ZBTB8A: variants seen among roughly 807,000 people sequenced by gnomAD.
ZBTB8A encodes zinc finger and BTB domain-containing protein 8A.
Under a neutral mutation model 37.8 loss-of-function variants are expected in ZBTB8A, and 19 were observed. The ratio of observed to expected loss-of-function variants is 0.50; its 90% CI spans 0.35 to 0.74. The LOEUF is 0.74. Among genes scored for constraint, ZBTB8A ranks in the 30% least tolerant of loss-of-function variants. The pLI, the probability that ZBTB8A is intolerant of heterozygous loss-of-function variation, is 0.01. For missense variants in ZBTB8A, 394 were observed against 537.8 expected (o/e 0.73, Z 2.65); for synonymous variants, 181 against 185.2 (o/e 0.98, Z 0.19).
At chr1:32,597,136 A>G (rs1644539556) in intron 4 of ZBTB8A, among the ~76,000 whole-genome samples, 1 of 152,052 alleles carries the variant, frequency 6.6e-6, no homozygotes, top group African/African-American at 2.4e-5. Context: ...CCTCCCGAGT[A>G]GCTGGGACTA....
At chr1:32,577,905 C>G (rs1644375174) in intron 2 of ZBTB8A, among the ~76,000 whole-genome samples, 1 of 151,466 alleles carries the variant, frequency 6.6e-6, no homozygotes, top group South Asian at 2.1e-4. Context: ...TTTTTGATTT[C>G]TATAAATTTT....
At chr1:32,597,557 C>T (rs1570374734) in intron 4 of ZBTB8A, among the ~76,000 whole-genome samples, 1 of 152,194 alleles carries the variant, frequency 6.6e-6, no homozygotes, top group South Asian at 2.1e-4. Context: ...AGCCATTTCT[C>T]AATCCATTTC....
At chr1:32,555,582 T>A (rs748868925) in intron 2 of ZBTB8A, among the ~76,000 whole-genome samples, 2 of 152,188 alleles carry the variant, frequency 1.3e-5, no homozygotes, top group Non-Finnish European at 2.9e-5. Flanking sequence ...TCTGTAACAC[T>A]GGCATCTTTT....
At chr1:32,571,136 A>T (rs943974287) in intron 2 of ZBTB8A, among the ~76,000 whole-genome samples, 9 of 152,064 alleles carry the variant, frequency 5.9e-5, no homozygotes, top group Admixed American at 3.3e-4. Context: ...CCAGCCTCCC[A>T]AAGTGCTGGG....
At chr1:32,599,975 T>C (rs1644563420) in intron 4 of ZBTB8A, 112 bp from the exon 5 acceptor site, 6 of 775,548 alleles carry the variant, frequency 7.7e-6, no homozygotes, top group Non-Finnish European at 1.2e-5. Context: ...AGATGTTAAT[T>C]TGAGTTTAAT....
intron 2 of ZBTB8A, among the ~76,000 whole-genome samples, chr1:32,568,939 A>G (rs1359259024): frequency 6.6e-6 from 1 of 152,116 alleles, no homozygotes; most frequent in Non-Finnish European, 1.5e-5. Context: ...TCTTGTATAA[A>G]TTTTTTTGTA....
intron 3 of ZBTB8A, among the ~76,000 whole-genome samples, chr1:32,594,070 T>C (rs944162873): frequency 5.3e-5 from 8 of 151,906 alleles, no homozygotes; most frequent in Admixed American, 2.6e-4. Context: ...GATGTGTGCC[T>C]GTAATCCCAG....
chr1:32,584,853 T>C (rs889160196), intron 2 of ZBTB8A, among the ~76,000 whole-genome samples: 1 of 151,674 alleles, frequency 6.6e-6, no homozygotes, highest in Admixed American at 6.6e-5. Context: ...ATTTTAGCAG[T>C]GTTTCCATTC....
intron 2 of ZBTB8A, among the ~76,000 whole-genome samples, chr1:32,565,040 T>C (rs1446112129): frequency 1.3e-5 from 2 of 152,166 alleles, no homozygotes; most frequent in African/African-American, 2.4e-5. Context: ...CAGTAAGAAA[T>C]ACATTTTGGC....
intron 2 of ZBTB8A, among the ~76,000 whole-genome samples, chr1:32,577,821 A>G (rs1014688125): frequency 6.6e-6 from 1 of 151,644 alleles, no homozygotes; most frequent in African/African-American, 2.4e-5. Context: ...GGCCTCAAGT[A>G]ATCTGCCTGT....
At chr1:32,545,739 C>T (rs1644098116) in intron 1 of ZBTB8A, among the ~76,000 whole-genome samples, 1 of 152,122 alleles carries the variant, frequency 6.6e-6, no homozygotes, top group African/African-American at 2.4e-5. Context: ...TTTTGCCTTC[C>T]CATTTGGTGC....
chr1:32,582,070 A>G (rs978976621), intron 2 of ZBTB8A, among the ~76,000 whole-genome samples: 10 of 152,286 alleles, frequency 6.6e-5, no homozygotes, highest in Middle Eastern at 3.4e-3. Flanking sequence ...GTCATGACCC[A>G]ACTACCTTGT....
intron 2 of ZBTB8A, among the ~76,000 whole-genome samples, chr1:32,572,720 A>G (rs1179454266): frequency 6.6e-5 from 10 of 152,234 alleles, no homozygotes; most frequent in Admixed American, 4.6e-4. Flanking sequence ...TTGATCACTT[A>G]TATCACTCAG....
intron 2 of ZBTB8A, among the ~76,000 whole-genome samples, chr1:32,583,556 T>G (rs995997512): frequency 2.6e-5 from 4 of 152,038 alleles, no homozygotes; most frequent in African/African-American, 9.7e-5. Flanking sequence ...TTTAATAGAT[T>G]GTTATGGGTT....
intron 1 of ZBTB8A, among the ~76,000 whole-genome samples, chr1:32,546,048 T>G (rs1644101169): frequency 6.6e-6 from 1 of 152,188 alleles, no homozygotes. Context: ...CTCTATATTC[T>G]CAGGACCAGG....
chr1:32,559,690 C>T (rs779965399), intron 2 of ZBTB8A, among the ~76,000 whole-genome samples: 5 of 152,054 alleles, frequency 3.3e-5, no homozygotes, highest in Non-Finnish European at 5.9e-5. Flanking sequence ...GTCTCCAACT[C>T]CAGGGCTCAA....
At chr1:32,559,874 A>G (rs998231775) in intron 2 of ZBTB8A, among the ~76,000 whole-genome samples, 14 of 152,142 alleles carry the variant, frequency 9.2e-5, no homozygotes, top group Non-Finnish European at 1.6e-4. Context: ...GAAGGGAGAT[A>G]TGAGCACGCT....
chr1:32,601,393 G>C lies in ZBTB8A; in HGVS notation c.*974G>C, dbSNP rs965381512. 9.2e-6 allele frequency: 3 copies of C among 325,230 alleles called. No individual in the cohort carries two copies. Among genetic ancestry groups the C allele is most frequent in the Non-Finnish European group, 1.7e-5 (3 of 180,536 alleles). 20.1% of individuals were successfully genotyped at this position (325,230 alleles called of 1,614,324 possible). A position where few individuals can be genotyped will look rare whatever the true frequency, so the allele number is the denominator to read the frequency against. On this transcript the variant is annotated 3_prime_UTR_variant, in exon 5 of 5. Transcript: ENST00000373510. ...GGAGGCTGAGGCAGGAGAATCGATTGAACCTGGAAGGCAGAAGTTGCAGTG... is the reference window on the plus strand; with the variant it reads ...GGAGGCTGAGGCAGGAGAATCGATTCAACCTGGAAGGCAGAAGTTGCAGTG...
In ZBTB8A at chr1:32,598,399, A is replaced by G. The variant is rs543332227; in HGVS notation, c.994-1688A>G. Among the ~76,000 whole-genome samples the G allele has an allele frequency of 3.3e-5, 5 of 151,294 alleles. No individual in the cohort carries two copies. The East Asian group carries it at 5.9e-4, about 18-fold the overall frequency. ...AGGCGTGTGCCACCATGCCCAGCTAAGTTTTGTATTTTTTTTTAGTAAAGA... is the reference window on the plus strand; with the variant it reads ...AGGCGTGTGCCACCATGCCCAGCTAGGTTTTGTATTTTTTTTTAGTAAAGA... On this transcript the variant is annotated intron_variant, in intron 4 of 4. Coordinates refer to ENST00000373510, the MANE Select transcript of ZBTB8A (RefSeq NM_001040441.3).
Sources: allele counts gnomAD v4.1 joint callset (sites outside exome capture counted in the v4.1 genomes callset), GRCh38; gene constraint gnomAD v4.1.1; transcripts MANE v1.5; gene names NCBI Gene and HGNC (gene_info 2026-07-23, HGNC 2026-07-21).